ERC2: variants seen among roughly 807,000 people sequenced by gnomAD.
ERC2 encodes the protein ELKS/RAB6-interacting/CAST family member 2, also known as ERC protein 2.
Under a neutral mutation model 114.8 loss-of-function variants are expected in ERC2, and 42 were observed. The ratio of observed to expected loss-of-function variants is 0.37; its 90% CI spans 0.29 to 0.47. The LOEUF (loss-of-function observed/expected upper bound fraction) is 0.47, where lower values mean the gene tolerates loss of function less well. ERC2 is among the 20% of genes least tolerant of loss of function. The pLI, the probability that ERC2 is intolerant of heterozygous loss-of-function variation, is 0.99. For synonymous variants in ERC2, 454 were observed against 425.5 expected (o/e 1.07, Z -0.82); for missense variants, 939 against 1,150.7 (o/e 0.82, Z 2.66).
intron 13 of ERC2, among the ~76,000 whole-genome samples, chr3:55,897,859 C>T (rs1251011459): frequency 6.6e-6 from 1 of 152,198 alleles, no homozygotes; most frequent in Non-Finnish European, 1.5e-5. Flanking sequence ...TGCTTTCAGC[C>T]TGGACCTGAC....
chr3:55,836,585 C>A (rs2060895375), intron 14 of ERC2, among the ~76,000 whole-genome samples: 1 of 152,126 alleles, frequency 6.6e-6, no homozygotes, highest in South Asian at 2.1e-4. Context: ...CTTCCTTACA[C>A]CTTATACCAA....
At chr3:55,988,380 T>C (rs557818601) in intron 11 of ERC2, among the ~76,000 whole-genome samples, 7 of 152,332 alleles carry the variant, frequency 4.6e-5, no homozygotes, top group Admixed American at 1.3e-4. Flanking sequence ...TTTACAGGCA[T>C]AACTGCACGT....
intron 16 of ERC2, among the ~76,000 whole-genome samples, chr3:55,688,479 G>A (rs1216658759): frequency 2.0e-5 from 3 of 152,118 alleles, no homozygotes; most frequent in African/African-American, 4.8e-5. Flanking sequence ...CATATGAGCC[G>A]AGAAGCCACA....
intron 2 of ERC2, among the ~76,000 whole-genome samples, chr3:56,302,696 T>C (rs2055961279): frequency 6.6e-6 from 1 of 152,236 alleles, no homozygotes; most frequent in Admixed American, 6.5e-5. Flanking sequence ...CTGGCATTCA[T>C]TTCATCTTGT....
At chr3:55,902,949 T>G (rs575335906) in intron 13 of ERC2, among the ~76,000 whole-genome samples, 103 of 152,350 alleles carry the variant, frequency 6.8e-4, no homozygotes, top group Admixed American at 9.8e-4. Context: ...GTGCATAATT[T>G]TCATGCTTAA....
chr3:56,439,574 C>T (rs577613976), intron 1 of ERC2, among the ~76,000 whole-genome samples: 1 of 152,178 alleles, frequency 6.6e-6, no homozygotes, highest in Non-Finnish European at 1.5e-5. Flanking sequence ...CGTCCCTTCA[C>T]AAACAGTCTA....
At chr3:56,448,673 G>C (rs940581122) in intron 1 of ERC2, among the ~76,000 whole-genome samples, 1 of 152,194 alleles carries the variant, frequency 6.6e-6, no homozygotes, top group Non-Finnish European at 1.5e-5. Context: ...TGGGCCACTT[G>C]ATCTCTGTCA....
chr3:55,820,332 G>A (rs1386812047), intron 14 of ERC2, among the ~76,000 whole-genome samples: 9 of 152,092 alleles, frequency 5.9e-5, no homozygotes, highest in South Asian at 4.1e-4. Flanking sequence ...AGCTCAGAAC[G>A]GGAGTGGACC....
intron 14 of ERC2, among the ~76,000 whole-genome samples, chr3:55,833,856 A>T (rs565136316): frequency 4.6e-5 from 7 of 152,336 alleles, no homozygotes; most frequent in Admixed American, 1.3e-4. Context: ...TGCTGTATTC[A>T]GGAAATCCAT....
intron 1 of ERC2, among the ~76,000 whole-genome samples, chr3:56,452,833 G>A (rs1031816101): frequency 6.6e-6 from 1 of 152,156 alleles, no homozygotes; most frequent in Admixed American, 6.6e-5. Flanking sequence ...GGTGAATAAT[G>A]ATTAAATCAG....
chr3:55,720,630 T>A (rs1035074218), intron 15 of ERC2, among the ~76,000 whole-genome samples: 1 of 152,086 alleles, frequency 6.6e-6, no homozygotes, highest in Non-Finnish European at 1.5e-5. Flanking sequence ...GTTCTATTTG[T>A]TTTTCTTCAC....
chr3:55,839,069 T>C (rs2061019317), intron 14 of ERC2, among the ~76,000 whole-genome samples: 1 of 151,486 alleles, frequency 6.6e-6, no homozygotes, highest in Non-Finnish European at 1.5e-5. Flanking sequence ...AAACTAATGA[T>C]AAAGAGAAAT....
At chr3:55,933,527 C>T (rs1345792567) in intron 13 of ERC2, among the ~76,000 whole-genome samples, 2 of 152,210 alleles carry the variant, frequency 1.3e-5, no homozygotes, top group African/African-American at 2.4e-5. Flanking sequence ...TTGTGTTTAG[C>T]TTGGTTTTGT....
At chr3:55,885,615 T>C (rs1390951770) in intron 14 of ERC2, among the ~76,000 whole-genome samples, 1 of 152,244 alleles carries the variant, frequency 6.6e-6, no homozygotes, top group Non-Finnish European at 1.5e-5. Context: ...TTAGGTGCTA[T>C]CTGAAACCAT....
In ERC2 at chr3:55,539,415, CTTTTTTTTTTTTT is replaced by C. The variant is rs58749389; in HGVS notation, c.*40-28152_*40-28140del. ...TCTCTCTCTCTCTCTTTTTTTCTTT[CTTTTTTTTTTTTT>C]TTTTTTTTTTTTTTGATGGAGTCTT... is the stretch of plus-strand genomic sequence containing the variant. On this transcript the variant is annotated intron_variant, in intron 17 of 17. Transcript: ENST00000288221. 3.1e-3 allele frequency among the ~76,000 whole-genome samples: 121 copies of C among 39,110 alleles called. 2 individuals carry two copies. Among genetic ancestry groups the C allele is most frequent in the Middle Eastern group, 0.056 (1 of 18 alleles). The allele number at this position is 39,110 out of a possible 152,430, so 25.7% of individuals were successfully genotyped here.
At chr3:55,771,708 C>CT in intron 14 of ERC2, among the ~76,000 whole-genome samples, 1 of 139,928 alleles carries the variant, frequency 7.1e-6, no homozygotes, top group African/African-American at 2.6e-5. Flanking sequence ...GTAACTCTTG[C>CT]TCCCATTGCA....
In ERC2 at chr3:56,007,296, T is replaced by C; in HGVS notation, c.1946A>G (p.His649Arg). ...KESSLIDLKE[H>R]ASSLASAGLK... ...CCCCGCAGAGGCTAATGAAGATGCA[T>C]GTTCTTTGAGGTCAATTAAACTAGA... Residue 649 changes from histidine to arginine, a missense_variant, in exon 10 of 18, where the codon CAT becomes CGT. Physicochemically the swap from His to Arg is conservative, Grantham distance 29. Transcript: ENST00000288221. The C allele has an allele frequency of 6.2e-7, 1 of 1,600,090 alleles. No homozygotes were observed.
At chr3:55,631,369 G>A (rs961237514) in intron 17 of ERC2, among the ~76,000 whole-genome samples, 2 of 152,212 alleles carry the variant, frequency 1.3e-5, no homozygotes, top group Admixed American at 6.5e-5. Flanking sequence ...AGATGCACAA[G>A]TTGGTTTCCA....
chr3:56,407,101 A>G (rs1371306958), intron 2 of ERC2, among the ~76,000 whole-genome samples: 1 of 152,184 alleles, frequency 6.6e-6, no homozygotes, highest in Non-Finnish European at 1.5e-5. Context: ...TCGTCTCAAG[A>G]GCTGGTAAAG....
Sources: gnomAD v4.1 joint callset for allele counts (sites outside exome capture counted in the v4.1 genomes callset) on GRCh38, gnomAD v4.1.1 for gene constraint, MANE v1.5 for transcripts, NCBI Gene and HGNC (gene_info 2026-07-23, HGNC 2026-07-21) for gene names.